Variants in LRRTM4 observed in about 807,000 individuals in gnomAD.
The protein encoded by LRRTM4 is leucine-rich repeat transmembrane neuronal protein 4.
LRRTM4 carries 25 observed loss-of-function variants against 47.6 expected under a neutral mutation model. The observed-to-expected ratio is 0.53, with a 90% CI of 0.38 to 0.73. LRRTM4 has a LOEUF of 0.73. Among genes scored for constraint, LRRTM4 ranks in the 30% least tolerant of loss-of-function variants. The pLI, the probability that LRRTM4 is intolerant of heterozygous loss-of-function variation, is 0.00. For synonymous variants in LRRTM4, 311 were observed against 269.5 expected, an observed-to-expected ratio of 1.15 and a Z score of -1.51; for missense variants, 638 against 713.4, an observed-to-expected ratio of 0.89 and a Z score of 1.20.
chr2:77,418,611 C>T (rs1017653561), intron 3 of LRRTM4, among the ~76,000 whole-genome samples: 1 of 152,138 alleles, frequency 6.6e-6, no homozygotes, highest in African/African-American at 2.4e-5. Flanking sequence ...AAAGCCAGTG[C>T]CACCTCAATA....
chr2:76,974,173 C>T (rs12151796), intron 3 of LRRTM4, among the ~76,000 whole-genome samples: 17 of 130,326 alleles, frequency 1.3e-4, no homozygotes, highest in African/African-American at 2.7e-4. Context: ...TATATACATA[C>T]ATATATATAC....
chr2:76,823,365 G>C (rs1671105091), intron 3 of LRRTM4, among the ~76,000 whole-genome samples: 1 of 151,364 alleles, frequency 6.6e-6, no homozygotes, highest in Non-Finnish European at 1.5e-5. Flanking sequence ...TAGAAATCAT[G>C]AACACATACA....
intron 3 of LRRTM4, among the ~76,000 whole-genome samples, chr2:77,028,227 G>C (rs1267254376): frequency 6.6e-6 from 1 of 152,152 alleles, no homozygotes; most frequent in Non-Finnish European, 1.5e-5. Flanking sequence ...CGTAGCGCAT[G>C]ACTCATTGAG....
chr2:76,867,982 T>C (rs190206326), intron 3 of LRRTM4, among the ~76,000 whole-genome samples: 68 of 152,314 alleles, frequency 4.5e-4, no homozygotes, highest in African/African-American at 1.6e-3. Context: ...GAACTTATTA[T>C]TGATTCTTAC....
At chr2:76,888,524 A>G (rs1017928409) in intron 3 of LRRTM4, among the ~76,000 whole-genome samples, 5 of 151,678 alleles carry the variant, frequency 3.3e-5, no homozygotes, top group Non-Finnish European at 7.4e-5. Flanking sequence ...ATCTCTCAGT[A>G]TTAATAAAAA....
rs879582515 is a variant in LRRTM4, at chr2:77,362,168, A to AG, written c.1551+156149dup. Among the ~76,000 whole-genome samples the AG allele has an allele frequency of 8.4e-3, 1,272 of 150,692 alleles. 20 individuals carry two copies. Among genetic ancestry groups the AG allele is most frequent in the East Asian group, 0.013 (65 of 5,110 alleles). ...AAGAAAGAAAGAAAGAAAGAAAGAA[A>AG]GAAAGGAAGGAAGGAAGAGTTCTTA... is the stretch of plus-strand genomic sequence containing the variant. On this transcript the variant is annotated intron_variant, in intron 3 of 3. Transcript: ENST00000409884.
At chr2:76,823,273 T>G (rs1671102603) in intron 3 of LRRTM4, among the ~76,000 whole-genome samples, 1 of 151,360 alleles carries the variant, frequency 6.6e-6, no homozygotes, top group Non-Finnish European at 1.5e-5. Context: ...GCAATAAAGA[T>G]TACCTTATAT....
At chr2:77,333,523 G>A (rs558987385) in intron 3 of LRRTM4, among the ~76,000 whole-genome samples, 53 of 152,276 alleles carry the variant, frequency 3.5e-4, no homozygotes, top group South Asian at 6.2e-4. Flanking sequence ...TTTTGACCCT[G>A]TCCTAGGGTG....
intron 3 of LRRTM4, among the ~76,000 whole-genome samples, chr2:76,796,125 A>T (rs150153528): frequency 7.3e-6 from 1 of 136,190 alleles, no homozygotes; most frequent in African/African-American, 2.7e-5. Flanking sequence ...AAAAAACGGC[A>T]CACCACAAGA....
At chr2:77,472,953 A>G (rs1161247087) in intron 3 of LRRTM4, among the ~76,000 whole-genome samples, 1 of 152,188 alleles carries the variant, frequency 6.6e-6, no homozygotes, top group African/African-American at 2.4e-5. Flanking sequence ...ATCACTTGTT[A>G]TTAAACCAAT....
chr2:77,140,144 C>G (rs891170166), intron 3 of LRRTM4, among the ~76,000 whole-genome samples: 1 of 151,992 alleles, frequency 6.6e-6, no homozygotes, highest in African/African-American at 2.4e-5. Flanking sequence ...CATATGGAAC[C>G]AAAAAAGGGC....
chr2:77,182,666 A>G lies in LRRTM4; in HGVS notation c.1551+335652T>C, dbSNP rs542370034. Among the ~76,000 whole-genome samples the G allele has an allele frequency of 2.0e-5, 3 of 152,268 alleles. No homozygotes were observed. The South Asian group carries it at 6.2e-4, about 32-fold the overall frequency. ...TTTGACTTCCTCTTTTTCTAATTGA[A>G]TTCTCCTGCCTGATTGCCCTGGCCA... is the stretch of plus-strand genomic sequence containing the variant. On this transcript the variant is annotated intron_variant, in intron 3 of 3. Transcript: ENST00000409884.
chr2:77,506,506 G>A (rs148582753), intron 3 of LRRTM4, among the ~76,000 whole-genome samples: 2,460 of 151,754 alleles, frequency 0.016, 73 homozygotes, highest in African/African-American at 0.056. Context: ...AGGTTCTACT[G>A]CACTAACGTC....
At chr2:77,112,975 C>T (rs562008251) in intron 3 of LRRTM4, among the ~76,000 whole-genome samples, 1 of 152,186 alleles carries the variant, frequency 6.6e-6, no homozygotes, top group African/African-American at 2.4e-5. Context: ...TTTTCAACCC[C>T]GTCTTGTAAT....
intron 3 of LRRTM4, among the ~76,000 whole-genome samples, chr2:76,974,201 T>TATATATACATACATATATATACATAC (rs1558771637): frequency 1.4e-5 from 1 of 70,698 alleles, no homozygotes. Context: ...TATATACATA[T>TATATATACATACATATATATACATAC]ATATATATAC....
At chr2:77,348,036 C>CAT (rs1411618331) in intron 3 of LRRTM4, among the ~76,000 whole-genome samples, 2 of 151,396 alleles carry the variant, frequency 1.3e-5, no homozygotes, top group African/African-American at 2.4e-5. Context: ...CACACACACA[C>CAT]ACACACACAC....
At chr2:77,201,462 G>T (rs1673972565) in intron 3 of LRRTM4, among the ~76,000 whole-genome samples, 1 of 151,990 alleles carries the variant, frequency 6.6e-6, no homozygotes, top group African/African-American at 2.4e-5. Flanking sequence ...TTTTGGAAAA[G>T]GAAATAATTA....
intron 3 of LRRTM4, among the ~76,000 whole-genome samples, chr2:77,460,661 T>C (rs955628432): frequency 1.3e-5 from 2 of 152,202 alleles, no homozygotes; most frequent in African/African-American, 4.8e-5. Context: ...TGGTGCATTC[T>C]CTTAGATATA....
chr2:76,918,597 G>A (rs1030792009), intron 3 of LRRTM4, among the ~76,000 whole-genome samples: 1 of 152,026 alleles, frequency 6.6e-6, no homozygotes, highest in Non-Finnish European at 1.5e-5. Flanking sequence ...ATGAGAGGGG[G>A]AAAATTTAAA....
Sources: gnomAD v4.1 joint callset for allele counts (sites outside exome capture counted in the v4.1 genomes callset) on GRCh38, gnomAD v4.1.1 for gene constraint, MANE v1.5 for transcripts, NCBI Gene and HGNC (gene_info 2026-07-23, HGNC 2026-07-21) for gene names.